Variants in HTT observed in about 807,000 individuals in gnomAD.
HTT encodes the protein huntington disease protein.
A neutral mutation model predicts 362.3 loss-of-function variants in HTT; 104 were observed. The ratio of observed to expected loss-of-function variants is 0.29; its 90% CI spans 0.24 to 0.34. The LOEUF (loss-of-function observed/expected upper bound fraction) is 0.34. HTT is among the 10% of genes least tolerant of loss of function. HTT has a pLI of 1.00. For missense variants in HTT, 3,301 were observed against 3,928.6 expected (o/e 0.84, Z 4.27); for synonymous variants, 1,577 against 1,548.7 (o/e 1.02, Z -0.43).
chr4:3,086,973 G>A lies in HTT; in HGVS notation c.298G>A (p.Val100Met). 2.5e-6 allele frequency: 4 copies of A among 1,608,570 alleles called. No homozygotes were observed. The highest frequency in any genetic ancestry group is 2.6e-6 in the Non-Finnish European group (3 of 1,175,222). The change falls in exon 2 of 67, where the codon GTG (valine) becomes ATG (methionine). Residue 100 changes from valine (V) to methionine (M), a missense_variant. Physicochemically the swap from Val to Met is conservative, Grantham distance 21 (BLOSUM62 1). Coordinates refer to ENST00000355072, the MANE Select transcript of HTT (RefSeq NM_001388492.1). ...ACTTTCAGCTACCAAGAAAGACCGTGTGAATCATTGTCTGACAATATGTGA... is the reference window on the plus strand; with the variant it reads ...ACTTTCAGCTACCAAGAAAGACCGTATGAATCATTGTCTGACAATATGTGA... ...KELSATKKDRVNHCLTICENI... is the reference protein window; with the variant it reads ...KELSATKKDRMNHCLTICENI...
intron 25 of HTT, 64 bp from the exon 26 acceptor site, chr4:3,147,941 C>T (rs966531840): frequency 3.7e-5 from 50 of 1,356,384 alleles, no homozygotes; most frequent in Non-Finnish European, 4.8e-5. Context: ...ACTTCAGTTC[C>T]CCAAGCAATT....
intron 1 of HTT, among the ~76,000 whole-genome samples, chr4:3,080,895 G>A (rs1054063338): frequency 3.3e-5 from 5 of 152,114 alleles, no homozygotes; most frequent in Non-Finnish European, 7.4e-5. Flanking sequence ...AAAATTAATC[G>A]TCCTTAATTG....
At chr4:3,087,121 A>AT in intron 2 of HTT, 99 bp downstream of exon 2, 4 of 633,784 alleles carry the variant, frequency 6.3e-6, no homozygotes, top group South Asian at 2.5e-5. Context: ...TTTTAAATGG[A>AT]TTCAGAAATC....
chr4:3,212,217 G>T lies in HTT; in HGVS notation c.6628+75G>T, dbSNP rs567004900. 8.0e-6 allele frequency: 9 copies of T among 1,128,536 alleles called. No homozygotes were observed. In the East Asian group the frequency reaches 2.1e-4, roughly 26 times the overall value. 69.9% of individuals were successfully genotyped at this position (1,128,536 alleles called of 1,614,324 possible). A position where few individuals can be genotyped will look rare whatever the true frequency, so the allele number is the denominator to read the frequency against. ...GTATAGTACTTTGCACCAAGTAAAT[G>T]TACAATAAAGGCAGTGGATCTAATA... On this transcript the variant is annotated intron_variant, in intron 48 of 66. Coordinates refer to ENST00000355072, the MANE Select transcript of HTT (RefSeq NM_001388492.1).
intron 40 of HTT, among the ~76,000 whole-genome samples, chr4:3,190,094 A>C (rs1718945458): frequency 6.6e-6 from 1 of 152,202 alleles, no homozygotes; most frequent in South Asian, 2.1e-4. Flanking sequence ...CTGTAATCCC[A>C]ACACTTTGGG....
At chr4:3,113,950 A>T (rs975047646) in intron 6 of HTT, among the ~76,000 whole-genome samples, 5 of 152,144 alleles carry the variant, frequency 3.3e-5, no homozygotes, top group African/African-American at 4.8e-5. Flanking sequence ...GGAATTAAAG[A>T]CACACACACA....
At chr4:3,156,993 A>G (rs1717182800) in intron 27 of HTT, 79 bp from the exon 28 acceptor site, 1 of 1,198,864 alleles carries the variant, frequency 8.3e-7, no homozygotes, top group Non-Finnish European at 1.2e-6. Flanking sequence ...TTAAAAAATC[A>G]TGATTTCCAG....
At chr4:3,151,475 A>G (rs1157177264) in intron 26 of HTT, among the ~76,000 whole-genome samples, 1 of 152,130 alleles carries the variant, frequency 6.6e-6, no homozygotes, top group African/African-American at 2.4e-5. Context: ...GATGGTGCTC[A>G]ACCATTAGAA....
chr4:3,228,958 C>G lies in HTT; in HGVS notation c.8058C>G (p.Ser2686=). Residue 2686 remains serine (S), a synonymous_variant, in exon 59 of 67, where the codon TCC becomes TCG. Transcript: ENST00000355072. The surrounding 1 kb of genome is among the most constrained non-coding windows in gnomAD (Gnocchi z 4.3). Reference sequence around the variant, plus strand: ...TGTACAGCCGCTGGATCCTGCCGTCCAGCTCAGCCAGGAGGACCCCGGCCA... The same window carrying G: ...TGTACAGCCGCTGGATCCTGCCGTCGAGCTCAGCCAGGAGGACCCCGGCCA... The part of the protein sequence containing the change: ...LELYSRWILP[S]SSARRTPAIL... The G allele has an allele frequency of 1.2e-6, 2 of 1,613,796 alleles. No individual in the cohort carries two copies. Among genetic ancestry groups the G allele is most frequent in the Non-Finnish European group, 1.7e-6 (2 of 1,179,812 alleles).
At chr4:3,231,185 T>A (rs951511066) in intron 60 of HTT, among the ~76,000 whole-genome samples, 8 of 152,244 alleles carry the variant, frequency 5.3e-5, no homozygotes, top group Non-Finnish European at 1.2e-4. Context: ...GGAAACTCAT[T>A]TCTTCAACAA....
intron 47 of HTT, among the ~76,000 whole-genome samples, chr4:3,210,308 T>C (rs938686163): frequency 6.6e-6 from 1 of 152,216 alleles, no homozygotes; most frequent in African/African-American, 2.4e-5. Context: ...CAGGATGTTA[T>C]CATCTAAGCT....
Position 3,206,651 on chromosome 4 carries a change from G to T in HTT, c.5874G>T (p.Gln1958His), listed in dbSNP as rs1015885815. Residue 1958 changes from glutamine (Q) to histidine (H), a missense_variant, in exon 43 of 67, where the codon CAG (glutamine) becomes CAT (histidine). By Grantham distance (24) the Gln-to-His change is conservative. Transcript: ENST00000355072. This position sits in a 1 kb window ranked among gnomAD's most constrained non-coding sequence, Gnocchi z 4.6. ...AASGLFIQAI[Q>H]SRCENLSTPT... ...GCGGCCTGTTCATCCAGGCAATTCAGTCTCGTTGTGAAAACCTTTCAACTG... is the reference window on the plus strand; with the variant it reads ...GCGGCCTGTTCATCCAGGCAATTCATTCTCGTTGTGAAAACCTTTCAACTG... 6.2e-7 allele frequency: 1 copy of T among 1,614,074 alleles called. No homozygotes were observed.
At chr4:3,105,566 T>C in intron 5 of HTT, 130 bp downstream of exon 5, 1 of 680,110 alleles carries the variant, frequency 1.5e-6, no homozygotes, top group South Asian at 1.7e-5. Context: ...TTGCCCTGTT[T>C]ATGTTTCCCT....
At chr4:3,077,736 G>A (rs979195387) in intron 1 of HTT, among the ~76,000 whole-genome samples, 4 of 152,106 alleles carry the variant, frequency 2.6e-5, no homozygotes, top group African/African-American at 4.8e-5. Context: ...AACTTTTAAA[G>A]GTTCTTAGCA....
rs771927073 is a variant in HTT at position 3,238,781 on chromosome 4, C to T, written c.9055-37C>T. 3 of 1,536,326 alleles carry T rather than the reference C, an allele frequency of 2.0e-6. No individual in the cohort carries two copies. The African/African-American group carries it at 4.1e-5, about 21-fold the overall frequency. On this transcript the variant is annotated intron_variant, in intron 65 of 66. Transcript: ENST00000355072. ...GCGCAGCAGGTGCTTCCCGTCCCCC[C>T]AGCCCTGACACTCAGGCACCTGCTT...
chr4:3,225,179 G>A (rs1194477677), intron 56 of HTT, among the ~76,000 whole-genome samples: 1 of 152,018 alleles, frequency 6.6e-6, no homozygotes. Context: ...GGTTAAGTGG[G>A]GGCATTATCC....
intron 21 of HTT, among the ~76,000 whole-genome samples, chr4:3,138,044 G>A (rs1716151224): frequency 2.6e-5 from 4 of 151,792 alleles, no homozygotes; most frequent in Non-Finnish European, 5.9e-5. Flanking sequence ...CTGTGAAACT[G>A]CTCTTCAAAA....
At position 3,217,930 on chromosome 4, in the gene HTT, G is replaced by A. The variant is rs1204691049; in HGVS notation, c.7220G>A (p.Ser2407Asn). 2.5e-6 allele frequency: 4 copies of A among 1,612,246 alleles called. No individual in the cohort carries two copies. The highest frequency in any genetic ancestry group is 3.4e-6 in the Non-Finnish European group (4 of 1,179,528). Reference protein sequence around the residue: ...ISLARLPLVNSYTRVPPLVWK... With the variant: ...ISLARLPLVNNYTRVPPLVWK... ...CTGGCCCGCCTGCCCCTTGTCAACA[G>A]CTACACACGTGTGCCCCCACTGGTG... Residue 2407 changes from serine to asparagine, a missense_variant, in exon 52 of 67, where the codon AGC becomes AAC. By Grantham distance (46) the Ser-to-Asn change is conservative. This residue lies in a region of HTT where 753 missense variants were observed against 1,021.3 expected (regional missense o/e 0.74). Transcript: ENST00000355072.
At chr4:3,150,495 A>G (rs1716821738) in intron 26 of HTT, among the ~76,000 whole-genome samples, 1 of 151,978 alleles carries the variant, frequency 6.6e-6, no homozygotes, top group African/African-American at 2.4e-5. Flanking sequence ...TGATTTGTGG[A>G]TATGTCAGAC....
Sources: allele counts gnomAD v4.1 joint callset (sites outside exome capture counted in the v4.1 genomes callset), GRCh38; gene constraint gnomAD v4.1.1; regional missense constraint gnomAD v4.1.1; non-coding constraint Gnocchi (gnomAD v3.1); transcripts MANE v1.5; gene names NCBI Gene and HGNC (gene_info 2026-07-23, HGNC 2026-07-21).